The following SRGAP2C variants were observed in gnomAD, a reference collection of about 807,000 sequenced individuals.
SRGAP2C encodes SLIT-ROBO Rho GTPase-activating protein 2C.
In SRGAP2C, 15 loss-of-function variants were observed where a neutral mutation model predicts 25.1. That is an observed-to-expected ratio of 0.60 (90% CI 0.40 to 0.92). SRGAP2C has a LOEUF of 0.92. Among genes scored for constraint, SRGAP2C ranks in the 40% least tolerant of loss-of-function variants. SRGAP2C has a pLI of 0.00. For missense variants in SRGAP2C, 144 were observed against 264.4 expected, an observed-to-expected ratio of 0.54 and a Z score of 3.16; for synonymous variants, 44 against 96.6, an observed-to-expected ratio of 0.46 and a Z score of 3.19.
intron 2 of SRGAP2C, among the ~76,000 whole-genome samples, chr1:121,262,952 T>A (rs1262681243): frequency 4.0e-5 from 6 of 150,936 alleles, no homozygotes; most frequent in African/African-American, 1.5e-4. Flanking sequence ...AAAAATTTTT[T>A]AAATCAAGTT....
chr1:121,289,400 T>G (rs1657446633), intron 3 of SRGAP2C, among the ~76,000 whole-genome samples: 1 of 151,428 alleles, frequency 6.6e-6, no homozygotes, highest in Non-Finnish European at 1.5e-5. Flanking sequence ...CTGCTCCGAG[T>G]GCGGGGCCCA....
intron 8 of SRGAP2C, among the ~76,000 whole-genome samples, chr1:121,383,372 CT>C (rs1659879496): frequency 6.6e-6 from 1 of 151,754 alleles, no homozygotes; most frequent in Admixed American, 6.6e-5. Flanking sequence ...ATCCTAGAGG[CT>C]TTAGTGGGGA....
intron 2 of SRGAP2C, among the ~76,000 whole-genome samples, chr1:121,201,612 A>T (rs1553321709): frequency 1.3e-5 from 2 of 152,282 alleles, no homozygotes; most frequent in Admixed American, 6.5e-5. Flanking sequence ...CACAAACACC[A>T]TACACACAAA....
intron 3 of SRGAP2C, among the ~76,000 whole-genome samples, chr1:121,296,254 C>A (rs1169731470): frequency 6.6e-6 from 1 of 152,082 alleles, no homozygotes; most frequent in African/African-American, 2.4e-5. Context: ...GAGATTTGCA[C>A]ACATGCACAG....
intron 2 of SRGAP2C, among the ~76,000 whole-genome samples, chr1:121,201,715 A>G (rs1222400092): frequency 2.6e-5 from 4 of 152,284 alleles, no homozygotes; most frequent in Non-Finnish European, 4.4e-5. Flanking sequence ...CTTAGTGGGC[A>G]TGATGTGAAA....
intron 3 of SRGAP2C, among the ~76,000 whole-genome samples, chr1:121,296,311 A>G (rs1457869776): frequency 3.3e-5 from 5 of 151,174 alleles, no homozygotes; most frequent in Admixed American, 1.3e-4. Context: ...TTCCAATAGT[A>G]AGAGTTTAGA....
At chr1:121,338,771 T>G (rs1195735147) in intron 4 of SRGAP2C, among the ~76,000 whole-genome samples, 1 of 136,194 alleles carries the variant, frequency 7.3e-6, no homozygotes, top group African/African-American at 2.7e-5. Flanking sequence ...AAGTAGTTAT[T>G]AGTAAGGCCC....
At chr1:121,374,741 C>G (rs587730597) in intron 6 of SRGAP2C, 85 bp from the exon 7 acceptor site, 2 of 687,140 alleles carry the variant, frequency 2.9e-6, no homozygotes, top group East Asian at 2.7e-5. Flanking sequence ...AATTGTAGTT[C>G]TTGAATACAC....
At chr1:121,319,963 TGATA>T (rs1275250001) in intron 3 of SRGAP2C, among the ~76,000 whole-genome samples, 2 of 94,972 alleles carry the variant, frequency 2.1e-5, no homozygotes, top group Admixed American at 2.5e-4. Context: ...TGCAAACAAA[TGATA>T]GATGGAAAAG....
In SRGAP2C at chr1:121,288,550, A is replaced by C. The variant is rs1308068005; in HGVS notation, c.260+3555A>C. On this transcript the variant is annotated intron_variant, in intron 3 of 9. Coordinates refer to ENST00000367123, the MANE Select transcript of SRGAP2C (RefSeq NM_001329984.2). ...TTGGTGTACTTACAGTCCTTGAGCT[A>C]GACATAAAGGTTCTCCACGTCCTCA... Among the ~76,000 whole-genome samples the C allele has an allele frequency of 2.8e-5, 2 of 71,188 alleles. 1 individual carries two copies. Among genetic ancestry groups the C allele is most frequent in the African/African-American group, 1.4e-4 (2 of 14,774 alleles). 46.7% of individuals were successfully genotyped at this position (71,188 alleles called of 152,430 possible). A position where few individuals can be genotyped will look rare whatever the true frequency, so the allele number is the denominator to read the frequency against.
At chr1:121,221,875 G>C (rs1261034909) in intron 2 of SRGAP2C, among the ~76,000 whole-genome samples, 1 of 151,788 alleles carries the variant, frequency 6.6e-6, no homozygotes, top group Non-Finnish European at 1.5e-5. Context: ...CTATAGAATG[G>C]TTCTCCAGTT....
At position 121,340,705 on chromosome 1, in the gene SRGAP2C, A is replaced by G. The variant is rs1658633276; in HGVS notation, c.423+16065A>G. Among the ~76,000 whole-genome samples the G allele has an allele frequency of 2.6e-5, 4 of 151,510 alleles. No individual in the cohort carries two copies. The South Asian group carries it at 8.4e-4, about 32-fold the overall frequency. On this transcript the variant is annotated intron_variant, in intron 4 of 9. Transcript: ENST00000367123. ...AGGAGAGCTTCATAGAGGGGAAAGA[A>G]TTGGGCCGATGTTCTTTTAATTACC...
At chr1:121,259,843 C>CTTTT (rs782529398) in intron 2 of SRGAP2C, among the ~76,000 whole-genome samples, 5 of 107,738 alleles carry the variant, frequency 4.6e-5, no homozygotes, top group Non-Finnish European at 7.5e-5. Context: ...TCTTCTTCTA[C>CTTTT]TTTTTTTTTT....
chr1:121,211,590 A>G, intron 2 of SRGAP2C, among the ~76,000 whole-genome samples: 1 of 151,826 alleles, frequency 6.6e-6, no homozygotes, highest in Non-Finnish European at 1.5e-5. Flanking sequence ...GAATTGTTGA[A>G]CTATTTGTCC....
chr1:121,308,966 C>T (rs1477310281), intron 3 of SRGAP2C, among the ~76,000 whole-genome samples: 4 of 123,848 alleles, frequency 3.2e-5, no homozygotes, highest in African/African-American at 6.0e-5. Context: ...AGGAAGTGTT[C>T]CTATTTAGTA....
chr1:121,306,838 C>T (rs1334097722), intron 3 of SRGAP2C, among the ~76,000 whole-genome samples: 3 of 152,064 alleles, frequency 2.0e-5, no homozygotes, highest in African/African-American at 7.3e-5. Flanking sequence ...GATCATGAAT[C>T]TCTATATTTT....
intron 2 of SRGAP2C, among the ~76,000 whole-genome samples, chr1:121,204,080 T>A (rs1655056858): frequency 1.2e-5 from 1 of 83,120 alleles, no homozygotes; most frequent in Admixed American, 1.2e-4. Flanking sequence ...CCAGCTACTC[T>A]GGAGGCTGAG....
At position 121,284,864 on chromosome 1, in the gene SRGAP2C, G is replaced by A. The variant is rs1429492301; in HGVS notation, c.129G>A (p.Val43=). 2 of 1,131,298 alleles carry A rather than the reference G, an allele frequency of 1.8e-6. No homozygotes were observed. The highest frequency in any genetic ancestry group is 2.6e-5 in the East Asian group (1 of 38,776). The allele number at this position is 1,131,298 out of a possible 1,614,324, so 70.1% of individuals were successfully genotyped here. A position where few individuals can be genotyped will look rare whatever the true frequency, so the allele number is the denominator to read the frequency against. Residue 43 remains valine, a synonymous_variant, in exon 3 of 10, where the codon GTG becomes GTA. Coordinates refer to ENST00000367123, the MANE Select transcript of SRGAP2C (RefSeq NM_001329984.2). ...KCLDQQCELR[V]QLLQDLQDFF... ...TGGACCAGCAGTGTGAGCTTCGGGT[G>A]CAACTGTTGCAGGACCTCCAGGACT... is the stretch of plus-strand genomic sequence containing the variant.
chr1:121,370,907 T>G (rs1211499578), intron 5 of SRGAP2C, among the ~76,000 whole-genome samples: 2 of 151,154 alleles, frequency 1.3e-5, no homozygotes, highest in Non-Finnish European at 2.9e-5. Flanking sequence ...CTACCTGCTT[T>G]TCGGCTTCAG....
Sources: gnomAD v4.1 joint callset for allele counts (sites outside exome capture counted in the v4.1 genomes callset) on GRCh38, gnomAD v4.1.1 for gene constraint, MANE v1.5 for transcripts, NCBI Gene and HGNC (gene_info 2026-07-23, HGNC 2026-07-21) for gene names.